The following LUZP2 variants were observed in gnomAD, a reference collection of about 807,000 sequenced individuals.
LUZP2 encodes leucine zipper protein 2.
In LUZP2, 52 loss-of-function variants were observed where a neutral mutation model predicts 51.6. The ratio of observed to expected loss-of-function variants is 1.01; its 90% CI spans 0.81 to 1.27. LUZP2 has a LOEUF of 1.27. Among genes scored for constraint, LUZP2 ranks in the 50% most tolerant of loss-of-function variants. The probability of loss-of-function intolerance (pLI) is 0.00; values close to 1 mark genes in which losing one functional copy is unlikely to be tolerated. For synonymous variants in LUZP2, 154 were observed against 137.3 expected (o/e 1.12, Z -0.85); for missense variants, 436 against 395.4 (o/e 1.10, Z -0.87).
chr11:24,962,425 T>G (rs1341169410), intron 7 of LUZP2, among the ~76,000 whole-genome samples: 1 of 152,230 alleles, frequency 6.6e-6, no homozygotes, highest in Admixed American at 6.5e-5. Context: ...ATTTGGTTTT[T>G]TCACATAGTC....
intron 7 of LUZP2, among the ~76,000 whole-genome samples, chr11:24,937,721 G>A (rs538843148): frequency 1.3e-5 from 2 of 152,072 alleles, no homozygotes; most frequent in African/African-American, 4.8e-5. Context: ...CTAACACGGC[G>A]AAACCCCGTC....
At chr11:25,077,677 T>C (rs1859352873) in intron 11 of LUZP2, among the ~76,000 whole-genome samples, 1 of 151,702 alleles carries the variant, frequency 6.6e-6, no homozygotes, top group Non-Finnish European at 1.5e-5. Context: ...TTTGTATTTT[T>C]AGTAGAGACG....
intron 1 of LUZP2, among the ~76,000 whole-genome samples, chr11:24,576,540 A>G (rs1852657498): frequency 6.6e-6 from 1 of 151,318 alleles, no homozygotes; most frequent in Non-Finnish European, 1.5e-5. Context: ...TAGTTAGGAG[A>G]GGTAGGGAAT....
At chr11:24,877,997 C>G (rs1282963764) in intron 5 of LUZP2, among the ~76,000 whole-genome samples, 1 of 151,834 alleles carries the variant, frequency 6.6e-6, no homozygotes, top group Admixed American at 6.6e-5. Flanking sequence ...TTTTCGTTAT[C>G]TCTTCATCTG....
In LUZP2 at chr11:24,533,842, G is replaced by A. The variant is rs185287949; in HGVS notation, c.62+36537G>A. ...ATAATATCTTCTCTGCTGAATATTA[G>A]GGTATATTAAATAATATATGTATAA... On this transcript the variant is annotated intron_variant, in intron 1 of 11. Transcript: ENST00000336930. 2.3e-3 allele frequency among the ~76,000 whole-genome samples: 341 copies of A among 151,220 alleles called. 4 individuals carry two copies. Among genetic ancestry groups the A allele is most frequent in the Middle Eastern group, 0.017 (5 of 292 alleles).
intron 5 of LUZP2, among the ~76,000 whole-genome samples, chr11:24,871,266 C>CTTT (rs1411589727): frequency 1.3e-5 from 2 of 151,728 alleles, no homozygotes; most frequent in Non-Finnish European, 2.9e-5. Flanking sequence ...ATTTAAATTA[C>CTTT]TTTTGTCACT....
chr11:25,059,334 G>A (rs6484099), intron 10 of LUZP2, among the ~76,000 whole-genome samples: 147,842 of 152,248 alleles, frequency 0.97, 71,933 homozygotes, highest in East Asian at 1. Flanking sequence ...TTTAATTCTT[G>A]AAGTTTTATT....
At chr11:24,982,510 A>C (rs1271306854) in intron 8 of LUZP2, among the ~76,000 whole-genome samples, 1 of 151,900 alleles carries the variant, frequency 6.6e-6, no homozygotes, top group East Asian at 1.9e-4. Flanking sequence ...ATGCAGGTAC[A>C]GAAAACTAAA....
intron 5 of LUZP2, among the ~76,000 whole-genome samples, chr11:24,777,633 C>G (rs978360645): frequency 1.3e-5 from 2 of 152,062 alleles, no homozygotes; most frequent in African/African-American, 2.4e-5. Flanking sequence ...TGTTTAACTT[C>G]TATATAAAAT....
chr11:25,046,666 G>C (rs564686772), intron 9 of LUZP2, among the ~76,000 whole-genome samples: 1 of 152,234 alleles, frequency 6.6e-6, no homozygotes. Context: ...TCGGTGATTA[G>C]AATGATATGA....
intron 5 of LUZP2, among the ~76,000 whole-genome samples, chr11:24,861,223 C>G (rs1016871044): frequency 6.6e-6 from 1 of 151,922 alleles, no homozygotes; most frequent in Non-Finnish European, 1.5e-5. Context: ...GACCACCTTG[C>G]TGAAATAAGA....
intron 5 of LUZP2, among the ~76,000 whole-genome samples, chr11:24,885,816 G>C (rs539364550): frequency 1.3e-5 from 2 of 152,130 alleles, no homozygotes; most frequent in Non-Finnish European, 2.9e-5. Flanking sequence ...TATTTGAGCT[G>C]ATTCGATTCT....
chr11:24,731,644 T>C (rs1858718099), intron 2 of LUZP2, among the ~76,000 whole-genome samples: 1 of 151,734 alleles, frequency 6.6e-6, no homozygotes, highest in Admixed American at 6.6e-5. Context: ...CTTAATGTAT[T>C]ACTCATAAAT....
chr11:24,595,012 G>A (rs1853392447), intron 1 of LUZP2, among the ~76,000 whole-genome samples: 2 of 151,512 alleles, frequency 1.3e-5, no homozygotes, highest in African/African-American at 4.8e-5. Context: ...CGCCCATCTC[G>A]GCCTCCCAAA....
intron 4 of LUZP2, among the ~76,000 whole-genome samples, chr11:24,760,190 A>C (rs1452683828): frequency 6.6e-6 from 1 of 152,144 alleles, no homozygotes; most frequent in Non-Finnish European, 1.5e-5. Flanking sequence ...GGTTAAGATA[A>C]GTGGTTGTGT....
In LUZP2 at chr11:24,678,693, A is replaced by T. The variant is rs568036856; in HGVS notation, c.63-50476A>T. Among the ~76,000 whole-genome samples the T allele has an allele frequency of 5.2e-4, 79 of 152,304 alleles. 1 individual carries two copies. The highest frequency in any genetic ancestry group is 1.9e-3 in the African/African-American group (79 of 41,568). ...AGGTCCTTAGGTAGATTCTCACTTT[A>T]ATACATGCCTATTAACTTTGGAATG... is the stretch of plus-strand genomic sequence containing the variant. On this transcript the variant is annotated intron_variant, in intron 1 of 11. Coordinates refer to ENST00000336930, the MANE Select transcript of LUZP2 (RefSeq NM_001009909.4).
chr11:24,610,716 C>A (rs998420291), intron 1 of LUZP2, among the ~76,000 whole-genome samples: 4 of 152,130 alleles, frequency 2.6e-5, no homozygotes, highest in African/African-American at 7.2e-5. Flanking sequence ...GAGGGTGAGG[C>A]AGGCAGTACA....
chr11:24,531,918 C>T (rs1382217191), intron 1 of LUZP2, among the ~76,000 whole-genome samples: 3 of 150,904 alleles, frequency 2.0e-5, no homozygotes, highest in African/African-American at 7.3e-5. Flanking sequence ...TTTAACCTAA[C>T]TTCCCCAAAT....
intron 9 of LUZP2, among the ~76,000 whole-genome samples, chr11:25,043,358 C>T (rs1286864341): frequency 1.3e-5 from 2 of 152,014 alleles, no homozygotes; most frequent in African/African-American, 4.8e-5. Context: ...TTAATCCACA[C>T]CTCCCTAGAG....
Sources: allele counts gnomAD v4.1 joint callset (sites outside exome capture counted in the v4.1 genomes callset), GRCh38; gene constraint gnomAD v4.1.1; transcripts MANE v1.5; gene names NCBI Gene and HGNC (gene_info 2026-07-23, HGNC 2026-07-21).